The following RGS12 variants were observed in gnomAD, a reference collection of about 807,000 sequenced individuals.
The protein encoded by RGS12 is regulator of G protein signaling 12.
A neutral mutation model predicts 120.1 loss-of-function variants in RGS12; 66 were observed. The ratio of observed to expected loss-of-function variants is 0.55; its 90% CI spans 0.45 to 0.67. The LOEUF (loss-of-function observed/expected upper bound fraction) is 0.67. Among genes scored for constraint, RGS12 ranks in the 30% least tolerant of loss-of-function variants. The probability of loss-of-function intolerance (pLI) is 0.00; values close to 1 mark genes in which losing one functional copy is unlikely to be tolerated. For missense variants in RGS12, 1,859 were observed against 1,957.7 expected (o/e 0.95, Z 0.95); for synonymous variants, 827 against 804.7 (o/e 1.03, Z -0.47).
chr4:3,304,188 C>T (rs1446883176), intron 1 of RGS12, among the ~76,000 whole-genome samples: 2 of 152,138 alleles, frequency 1.3e-5, no homozygotes, highest in East Asian at 3.8e-4. Context: ...TATTAAAAAC[C>T]CACGAAAAAC....
At chr4:3,393,927 G>C (rs553878819) in intron 4 of RGS12, among the ~76,000 whole-genome samples, 32 of 152,274 alleles carry the variant, frequency 2.1e-4, no homozygotes, top group Middle Eastern at 6.8e-3. Flanking sequence ...CCCCAGGCCC[G>C]TCCCTGGAGC....
intron 1 of RGS12, among the ~76,000 whole-genome samples, chr4:3,308,465 G>A (rs1489667674): frequency 1.3e-5 from 2 of 152,222 alleles, no homozygotes; most frequent in African/African-American, 4.8e-5. Context: ...GTCTTGGAGC[G>A]GGGCTAGCGA....
chr4:3,296,836 T>C (rs1000451905), intron 1 of RGS12, among the ~76,000 whole-genome samples: 1 of 152,176 alleles, frequency 6.6e-6, no homozygotes, highest in Non-Finnish European at 1.5e-5. Flanking sequence ...CAAGCCTTGC[T>C]CAGGATGCAA....
chr4:3,438,902 G>C (rs900582053), intron 17 of RGS12, among the ~76,000 whole-genome samples: 1 of 152,266 alleles, frequency 6.6e-6, no homozygotes, highest in East Asian at 1.9e-4. Context: ...GGGTGTGTAC[G>C]GTGAAGACGG....
rs777811508 is a variant in RGS12, at chr4:3,317,334, C to T, written c.1164C>T (p.Val388=). The part of the protein sequence containing the change: ...SSLPVLQFIS[V]LYRDMGELIE... ...TCCCCGTCCTGCAGTTCATCTCTGT[C>T]CTGTACCGAGACATGGGTGAGCTGA... Residue 388 remains valine, a synonymous_variant, in exon 2 of 18, where the codon GTC becomes GTT. Transcript: ENST00000336727. 1.2e-6 allele frequency: 2 copies of T among 1,614,138 alleles called. No individual in the cohort carries two copies. Among genetic ancestry groups the T allele is most frequent in the East Asian group, 2.2e-5 (1 of 44,878 alleles).
chr4:3,411,403 G>A (rs1218944475), intron 4 of RGS12, among the ~76,000 whole-genome samples: 2 of 152,240 alleles, frequency 1.3e-5, no homozygotes, highest in African/African-American at 2.4e-5. Flanking sequence ...TGTTAGGCCT[G>A]TCTGGCTCTG....
rs747103157 is a variant in RGS12 at position 3,417,420 on chromosome 4, G to A, written c.2640G>A (p.Leu880=). ...GAAAATCAAAATCCGGCCGATCCCTGAATGAAGAGCTGGGGGATGAGGACA... is the reference window on the plus strand; with the variant it reads ...GAAAATCAAAATCCGGCCGATCCCTAAATGAAGAGCTGGGGGATGAGGACA... ...LSGKSKSGRS[L]NEELGDEDSE... is the part of the protein sequence containing the mutation. Residue 880 remains leucine, a synonymous_variant, in exon 9 of 18, where the codon CTG becomes CTA. Coordinates refer to ENST00000336727, the MANE Select transcript of RGS12 (RefSeq NM_001394154.1). 7 of 1,581,106 alleles carry A rather than the reference G, an allele frequency of 4.4e-6. No individual in the cohort carries two copies. Among genetic ancestry groups the A allele is most frequent in the Admixed American group, 1.9e-5 (1 of 53,870 alleles).
chr4:3,363,157 G>A (rs537373361), intron 3 of RGS12, among the ~76,000 whole-genome samples: 130 of 151,604 alleles, frequency 8.6e-4, no homozygotes, highest in Non-Finnish European at 3.2e-4. Flanking sequence ...GCGCGAGGGC[G>A]TGTGTGTGAG....
At chr4:3,347,241 G>C (rs1273103662) in intron 3 of RGS12, among the ~76,000 whole-genome samples, 1 of 152,094 alleles carries the variant, frequency 6.6e-6, no homozygotes, top group Non-Finnish European at 1.5e-5. Context: ...TCAGGAGATC[G>C]AGACCATCCT....
chr4:3,405,271 C>G (rs964985583), intron 4 of RGS12, among the ~76,000 whole-genome samples: 2 of 152,238 alleles, frequency 1.3e-5, no homozygotes, highest in Non-Finnish European at 2.9e-5. Context: ...GCGGACAAAT[C>G]TGGTGCCCCA....
At chr4:3,422,703 G>A (rs768545365) in intron 11 of RGS12, 133 bp downstream of exon 11, 11 of 1,132,630 alleles carry the variant, frequency 9.7e-6, no homozygotes, top group East Asian at 2.5e-5. Flanking sequence ...GGCGGAGGCC[G>A]GATTATCTGA....
intron 3 of RGS12, among the ~76,000 whole-genome samples, chr4:3,345,254 G>A (rs2108785586): frequency 6.6e-6 from 1 of 152,282 alleles, no homozygotes; most frequent in South Asian, 2.1e-4. Context: ...GCAAGGTTGT[G>A]GTTTTGCAGT....
chr4:3,348,796 G>A (rs1488156162), intron 3 of RGS12, among the ~76,000 whole-genome samples: 1 of 152,246 alleles, frequency 6.6e-6, no homozygotes, highest in African/African-American at 2.4e-5. Context: ...GCAAGCAGCT[G>A]CAGCTTCTCA....
intron 3 of RGS12, among the ~76,000 whole-genome samples, chr4:3,346,958 C>T (rs2108790768): frequency 6.6e-6 from 1 of 151,936 alleles, no homozygotes; most frequent in Middle Eastern, 3.4e-3. Context: ...AACCACTGGT[C>T]TCAGTTGTAT....
rs745646459 is a variant in RGS12, at chr4:3,430,927, C to G, written c.4086C>G (p.Pro1362=). Residue 1362 remains proline, a synonymous_variant, in exon 17 of 18, where the codon CCC becomes CCG. Coordinates refer to ENST00000336727, the MANE Select transcript of RGS12 (RefSeq NM_001394154.1). The part of the protein sequence containing the change: ...NSTLLPPPST[P]QEVPGPSRPG... ...CCTTGCTGCCGCCGCCCTCCACCCC[C>G]CAGGAAGTGCCAGGACCTTCCAGAC... is the stretch of plus-strand genomic sequence containing the variant. 1.2e-6 allele frequency: 2 copies of G among 1,612,750 alleles called. No homozygotes were observed. Among genetic ancestry groups the G allele is most frequent in the Non-Finnish European group, 8.5e-7 (1 of 1,179,968 alleles).
At chr4:3,347,843 G>A (rs1413887226) in intron 3 of RGS12, among the ~76,000 whole-genome samples, 1 of 152,198 alleles carries the variant, frequency 6.6e-6, no homozygotes. Context: ...GGCTATTTCT[G>A]TAGCATACAA....
At chr4:3,340,662 C>G (rs1240317032) in intron 2 of RGS12, among the ~76,000 whole-genome samples, 1 of 152,196 alleles carries the variant, frequency 6.6e-6, no homozygotes, top group Non-Finnish European at 1.5e-5. Flanking sequence ...AATGGGACCA[C>G]AGGTTCCCTC....
At position 3,327,500 on chromosome 4, in the gene RGS12, A is replaced by G. The variant is rs556519147; in HGVS notation, c.1881+9449A>G. Among the ~76,000 whole-genome samples, 8 of 152,358 alleles carry G rather than the reference A, an allele frequency of 5.3e-5. No homozygotes were observed. The South Asian group carries it at 1.7e-3, about 32-fold the overall frequency. On this transcript the variant is annotated intron_variant, in intron 2 of 17. Coordinates refer to ENST00000336727, the MANE Select transcript of RGS12 (RefSeq NM_001394154.1). Reference sequence around the variant, plus strand: ...ACAGAGTGAACAGATAGCCTGCAGGATGGAAGAAAGTATTTCCAAAATATG... The same window carrying G: ...ACAGAGTGAACAGATAGCCTGCAGGGTGGAAGAAAGTATTTCCAAAATATG...
chr4:3,421,658 C>T (rs1372914786), intron 10 of RGS12, among the ~76,000 whole-genome samples: 1 of 152,238 alleles, frequency 6.6e-6, no homozygotes, highest in Non-Finnish European at 1.5e-5. Context: ...TCAGCGGAGG[C>T]CAGTTCACCC....
Sources: allele counts gnomAD v4.1 joint callset (sites outside exome capture counted in the v4.1 genomes callset), GRCh38; gene constraint gnomAD v4.1.1; transcripts MANE v1.5; gene names NCBI Gene and HGNC (gene_info 2026-07-23, HGNC 2026-07-21).